SLC30A9: variants seen among roughly 807,000 people sequenced by gnomAD.
SLC30A9 encodes the protein proton-coupled zinc antiporter SLC30A9, mitochondrial.
Under a neutral mutation model 87.5 loss-of-function variants are expected in SLC30A9, and 58 were observed. The ratio of observed to expected loss-of-function variants is 0.66; its 90% CI spans 0.54 to 0.82. The LOEUF (loss-of-function observed/expected upper bound fraction) is 0.82, where lower values mean the gene tolerates loss of function less well. Ranked by LOEUF, SLC30A9 falls within the 40% of genes least tolerant of loss-of-function variation. The pLI is 0.00. For missense variants in SLC30A9, 557 were observed against 679.1 expected, an observed-to-expected ratio of 0.82 and a Z score of 2.00; for synonymous variants, 234 against 233.0, an observed-to-expected ratio of 1.00 and a Z score of -0.04.
At chr4:42,062,055 G>A (rs926193879) in intron 10 of SLC30A9, among the ~76,000 whole-genome samples, 1 of 152,044 alleles carries the variant, frequency 6.6e-6, no homozygotes, top group African/African-American at 2.4e-5. Flanking sequence ...TTAGCTGGGT[G>A]TGGTGGTGCA....
intron 2 of SLC30A9, among the ~76,000 whole-genome samples, chr4:42,016,425 A>C (rs2153134800): frequency 6.6e-6 from 1 of 151,878 alleles, no homozygotes; most frequent in East Asian, 1.9e-4. Context: ...TCCTATCTCC[A>C]TTTGTCCTAT....
At chr4:42,007,489 T>G (rs1029909111) in intron 2 of SLC30A9, among the ~76,000 whole-genome samples, 7 of 152,140 alleles carry the variant, frequency 4.6e-5, no homozygotes, top group Non-Finnish European at 5.9e-5. Flanking sequence ...CAGTGGCTCA[T>G]GCCTGTAATC....
chr4:41,991,756 A>G (rs1714451421), intron 1 of SLC30A9, among the ~76,000 whole-genome samples: 1 of 152,210 alleles, frequency 6.6e-6, no homozygotes, highest in South Asian at 2.1e-4. Context: ...CTGTAAAAAC[A>G]TAGGTTTGAA....
intron 11 of SLC30A9, among the ~76,000 whole-genome samples, chr4:42,064,607 A>G (rs961752098): frequency 3.9e-5 from 6 of 152,282 alleles, no homozygotes; most frequent in East Asian, 1.9e-4. Context: ...GCGTTCTTCT[A>G]ATTTGTATAG....
intron 17 of SLC30A9, 81 bp downstream of exon 17, chr4:42,078,406 C>T: frequency 1.4e-6 from 1 of 700,656 alleles, no homozygotes; most frequent in Non-Finnish European, 2.5e-6. Flanking sequence ...ACACTAAGTG[C>T]ATCCATCACA....
rs1252745827 is a variant in SLC30A9, at chr4:42,049,372, T to TCTAG, written c.738-3_738dup. On this transcript the variant is annotated splice_region_variant and splice_polypyrimidine_tract_variant and intron_variant, in intron 8 of 17. Transcript: ENST00000264451. ...ATGCTAAATTGTTTTCTCTTTCTCT[T>TCTAG]CTAGCAATGGATTAAACTGCTTCTT... is the stretch of plus-strand genomic sequence containing the variant. The TCTAG allele has an allele frequency of 1.3e-6, 2 of 1,586,524 alleles. No homozygotes were observed. Among genetic ancestry groups the TCTAG allele is most frequent in the Non-Finnish European group, 1.7e-6 (2 of 1,161,610 alleles).
intron 9 of SLC30A9, among the ~76,000 whole-genome samples, chr4:42,052,210 C>T (rs1717408488): frequency 6.6e-6 from 1 of 151,998 alleles, no homozygotes; most frequent in Admixed American, 6.6e-5. Context: ...TAGCAAAAGA[C>T]ATACAAGACC....
At chr4:42,041,783 G>T (rs1395338366) in intron 8 of SLC30A9, among the ~76,000 whole-genome samples, 1 of 152,198 alleles carries the variant, frequency 6.6e-6, no homozygotes, top group Non-Finnish European at 1.5e-5. Context: ...GGCTGGATAG[G>T]AACAGATCCT....
intron 4 of SLC30A9, among the ~76,000 whole-genome samples, 186 bp from the exon 5 acceptor site, chr4:42,022,652 T>C (rs187055456): frequency 4.3e-4 from 65 of 152,330 alleles, no homozygotes; most frequent in Non-Finnish European, 7.9e-4. Context: ...AGTAATTTTT[T>C]TTCACTGTCT....
intron 2 of SLC30A9, among the ~76,000 whole-genome samples, chr4:42,010,253 C>A (rs996056666): frequency 6.6e-6 from 1 of 151,996 alleles, no homozygotes; most frequent in African/African-American, 2.4e-5. Flanking sequence ...GTGAAGGATC[C>A]CTTGAGGTCA....
intron 2 of SLC30A9, among the ~76,000 whole-genome samples, chr4:42,008,857 G>C (rs1195516758): frequency 6.6e-6 from 1 of 152,120 alleles, no homozygotes; most frequent in African/African-American, 2.4e-5. Flanking sequence ...TCCTCCCTTT[G>C]GGTTTACCTG....
chr4:42,039,183 T>C (rs576359146), intron 8 of SLC30A9, 130 bp downstream of exon 8: 1 of 673,788 alleles, frequency 1.5e-6, no homozygotes, highest in East Asian at 2.8e-5. Context: ...AGGAGGAAAT[T>C]GAATAAGTCT....
intron 6 of SLC30A9, among the ~76,000 whole-genome samples, chr4:42,032,671 GAGA>G (rs1427974446): frequency 6.6e-6 from 1 of 152,158 alleles, no homozygotes; most frequent in Non-Finnish European, 1.5e-5. Flanking sequence ...AGGGAAGAGG[GAGA>G]AGAAGATATG....
At chr4:41,998,549 C>T (rs147375158) in intron 1 of SLC30A9, among the ~76,000 whole-genome samples, 2,563 of 151,730 alleles carry the variant, frequency 0.017, 38 homozygotes, top group Non-Finnish European at 0.026. Context: ...CTGCAACCTC[C>T]GCCTCCCGGG....
At chr4:41,994,355 G>A (rs1714599673) in intron 1 of SLC30A9, among the ~76,000 whole-genome samples, 1 of 151,796 alleles carries the variant, frequency 6.6e-6, no homozygotes, top group Admixed American at 6.6e-5. Context: ...ATGTTACTTA[G>A]TTTCTGTAGT....
chr4:42,084,963 G>A (rs1718872112), intron 17 of SLC30A9, among the ~76,000 whole-genome samples: 1 of 152,202 alleles, frequency 6.6e-6, no homozygotes, highest in Non-Finnish European at 1.5e-5. Context: ...GCACAGAGTA[G>A]GCATGTAATA....
intron 1 of SLC30A9, among the ~76,000 whole-genome samples, chr4:41,995,950 T>C (rs1714679827): frequency 6.6e-6 from 1 of 152,172 alleles, no homozygotes; most frequent in South Asian, 2.1e-4. Context: ...GCTCAAGCAT[T>C]CCACCCATCT....
At chr4:42,067,731 C>T (rs1290542298) in intron 14 of SLC30A9, among the ~76,000 whole-genome samples, 1 of 152,098 alleles carries the variant, frequency 6.6e-6, no homozygotes, top group East Asian at 1.9e-4. Context: ...CTTTGGGCAC[C>T]CCAACTTCCT....
intron 9 of SLC30A9, among the ~76,000 whole-genome samples, chr4:42,058,768 T>C (rs1051842627): frequency 6.6e-6 from 1 of 152,194 alleles, no homozygotes; most frequent in African/African-American, 2.4e-5. Flanking sequence ...ACGTATTCAC[T>C]AGCACAAGAA....
Sources: allele counts gnomAD v4.1 joint callset (sites outside exome capture counted in the v4.1 genomes callset), GRCh38; gene constraint gnomAD v4.1.1; transcripts MANE v1.5; gene names NCBI Gene and HGNC (gene_info 2026-07-23, HGNC 2026-07-21).